Variants in NSUN6 observed in about 807,000 individuals in gnomAD.
The protein encoded by NSUN6 is tRNA (cytosine(72)-C(5))-methyltransferase NSUN6.
A neutral mutation model predicts 58.0 loss-of-function variants in NSUN6; 64 were observed. That is an observed-to-expected ratio of 1.10 (90% CI 0.90 to 1.36). The LOEUF is 1.36. NSUN6 is among the 40% of genes most tolerant of loss of function. The pLI is 0.00. For missense variants in NSUN6, 701 were observed against 550.1 expected (o/e 1.27, Z -2.74); for synonymous variants, 231 against 193.9 (o/e 1.19, Z -1.59).
At chr10:18,552,635 C>T (rs1298031108) in intron 8 of NSUN6, among the ~76,000 whole-genome samples, 9 of 151,630 alleles carry the variant, frequency 5.9e-5, no homozygotes, top group Admixed American at 3.3e-4. Flanking sequence ...CATTTCATTC[C>T]GCATTCCATT....
At position 18,563,211 on chromosome 10, in the gene NSUN6, TGGAATGGAATGGAGAATGGTATG is replaced by T. The variant is rs1321788490; in HGVS notation, c.923-11263_923-11241del. On this transcript the variant is annotated intron_variant, in intron 8 of 10. Transcript: ENST00000377304. ...GTATGGAATGGAATGGAGAATGGTA[TGGAATGGAATGGAGAATGGTATG>T]GAATGGAAGGCAATGAAATGGAGAA... 2.0e-3 allele frequency among the ~76,000 whole-genome samples: 290 copies of T among 141,766 alleles called. 3 individuals carry two copies. Among genetic ancestry groups the T allele is most frequent in the African/African-American group, 7.6e-3 (278 of 36,658 alleles). The allele number at this position is 141,766 out of a possible 152,430, so 93.0% of individuals were successfully genotyped here. A position where few individuals can be genotyped will look rare whatever the true frequency, so the allele number is the denominator to read the frequency against.
chr10:18,642,352 C>A (rs2059414770), intron 3 of NSUN6, 124 bp downstream of exon 3: 1 of 599,698 alleles, frequency 1.7e-6, no homozygotes, highest in Non-Finnish European at 3.0e-6. Flanking sequence ...GTTTTGAATT[C>A]CTGTTATCTA....
At chr10:18,607,774 T>C (rs2058094608) in intron 6 of NSUN6, among the ~76,000 whole-genome samples, 1 of 152,232 alleles carries the variant, frequency 6.6e-6, no homozygotes, top group Non-Finnish European at 1.5e-5. Flanking sequence ...AAGACCTGAA[T>C]GCAAATTTTG....
chr10:18,564,224 ACTCT>A (rs1055061129), intron 8 of NSUN6, among the ~76,000 whole-genome samples: 3 of 144,588 alleles, frequency 2.1e-5, no homozygotes, highest in Non-Finnish European at 4.6e-5. Flanking sequence ...CATTCCATCC[ACTCT>A]CTATTACATT....
intron 9 of NSUN6, among the ~76,000 whole-genome samples, chr10:18,549,992 G>C (rs2054503585): frequency 6.6e-6 from 1 of 152,152 alleles, no homozygotes; most frequent in African/African-American, 2.4e-5. Context: ...TGTACCTAAA[G>C]TCACTTAGGT....
At chr10:18,632,612 T>C (rs1479373138) in intron 3 of NSUN6, among the ~76,000 whole-genome samples, 1 of 151,876 alleles carries the variant, frequency 6.6e-6, no homozygotes, top group African/African-American at 2.4e-5. Context: ...AACAGACACT[T>C]CTCAAAAGAA....
intron 6 of NSUN6, among the ~76,000 whole-genome samples, chr10:18,596,823 C>A (rs1419983733): frequency 6.6e-6 from 1 of 152,100 alleles, no homozygotes; most frequent in Admixed American, 6.5e-5. Context: ...GAGAGTACTT[C>A]AATCTCAGCA....
chr10:18,545,982 T>A lies in NSUN6; in HGVS notation c.1361A>T (p.Asp454Val). 6.3e-7 allele frequency: 1 copy of A among 1,583,892 alleles called. No individual in the cohort carries two copies. The highest frequency in any genetic ancestry group is 8.5e-7 in the Non-Finnish European group (1 of 1,172,128). Residue 454 changes from aspartate to valine, a missense_variant, in exon 11 of 11, where the codon GAC becomes GTC. By Grantham distance (152) the Asp-to-Val change is radical (BLOSUM62 -3). Transcript: ENST00000377304. Reference protein sequence around the residue: ...REDMLRLANKDSIGFFIAKFV... With the variant: ...REDMLRLANKVSIGFFIAKFV... ...TTTTGCAATAAAAAAACCTATAGAGTCCTTATTAGCCAGACGCAACATGTC... is the reference window on the plus strand; with the variant it reads ...TTTTGCAATAAAAAAACCTATAGAGACCTTATTAGCCAGACGCAACATGTC...
intron 8 of NSUN6, among the ~76,000 whole-genome samples, chr10:18,565,953 C>CTCT (rs1343104441): frequency 6.7e-6 from 1 of 150,080 alleles, no homozygotes; most frequent in Non-Finnish European, 1.5e-5. Context: ...CCCTTCCATT[C>CTCT]TCCATTCCAT....
Position 18,558,906 on chromosome 10 carries a change from G to A in NSUN6, c.923-6935C>T, listed in dbSNP as rs1376123862. ...GCAATGGTGAATAGAATGGAGTGAAGAATGGAATGGAATTGAGAATGGACT... is the reference window on the plus strand; with the variant it reads ...GCAATGGTGAATAGAATGGAGTGAAAAATGGAATGGAATTGAGAATGGACT... On this transcript the variant is annotated intron_variant, in intron 8 of 10. Transcript: ENST00000377304. 7.9e-5 allele frequency among the ~76,000 whole-genome samples: 12 copies of A among 151,316 alleles called. No individual in the cohort carries two copies. In the East Asian group the frequency reaches 2.3e-3, roughly 29 times the overall value.
intron 10 of NSUN6, 108 bp downstream of exon 10, chr10:18,548,004 G>A (rs1378667206): frequency 1.9e-6 from 2 of 1,051,240 alleles, no homozygotes; most frequent in Non-Finnish European, 2.8e-6. Context: ...TTATTACAGT[G>A]TTCACTTTGG....
At chr10:18,593,741 A>G (rs2057466760) in intron 7 of NSUN6, among the ~76,000 whole-genome samples, 1 of 152,138 alleles carries the variant, frequency 6.6e-6, no homozygotes, top group Non-Finnish European at 1.5e-5. Context: ...TAGCATTAGG[A>G]AAAATACCTA....
chr10:18,608,638 C>CAAA lies in NSUN6; in HGVS notation c.657+1204_657+1206dup, dbSNP rs5783614. On this transcript the variant is annotated intron_variant, in intron 6 of 10. Transcript: ENST00000377304. ...TGCGTGACAGAGTAAGATCCTGTCT[C>CAAA]AAAAAAAAAAAAAAAAACCACTGTA... is the stretch of plus-strand genomic sequence containing the variant. 3.5e-3 allele frequency among the ~76,000 whole-genome samples: 371 copies of CAAA among 107,522 alleles called. 6 individuals are homozygous for CAAA. Among genetic ancestry groups the CAAA allele is most frequent in the South Asian group, 5.3e-3 (16 of 3,000 alleles). 70.5% of individuals were successfully genotyped at this position (107,522 alleles called of 152,430 possible).
chr10:18,572,022 T>G (rs117837566), intron 8 of NSUN6, among the ~76,000 whole-genome samples: 3,505 of 147,506 alleles, frequency 0.024, 58 homozygotes, highest in Non-Finnish European at 0.04. Context: ...CCATTGCATT[T>G]CATTCTCCAC....
intron 10 of NSUN6, 39 bp from the exon 11 acceptor site, chr10:18,546,184 G>T: frequency 1.5e-6 from 2 of 1,339,568 alleles, no homozygotes; most frequent in South Asian, 1.2e-5. Flanking sequence ...TGAACATCCT[G>T]TAATTAGCAA....
chr10:18,620,757 G>A (rs568396588), intron 3 of NSUN6, among the ~76,000 whole-genome samples: 1 of 152,120 alleles, frequency 6.6e-6, no homozygotes, highest in Non-Finnish European at 1.5e-5. Flanking sequence ...TACTTCTACT[G>A]TGACTATCAT....
At chr10:18,644,499 G>GCCTT (rs2059481490) in intron 2 of NSUN6, among the ~76,000 whole-genome samples, 1 of 65,614 alleles carries the variant, frequency 1.5e-5, no homozygotes, top group Non-Finnish European at 3.1e-5. Context: ...ATTAAGGTAT[G>GCCTT]TCTTTTTTTT....
chr10:18,659,291 C>A (rs1346762554), upstream of NSUN6: 3 of 283,922 alleles, frequency 1.1e-5, no homozygotes. Flanking sequence ...AGTGCGCCGT[C>A]GTCACGCGCC....
rs188415559 is a variant in NSUN6 at position 18,591,939 on chromosome 10, C to T, written c.777+4269G>A. 6.8e-4 allele frequency among the ~76,000 whole-genome samples: 104 copies of T among 152,248 alleles called. 1 individual carries two copies. The East Asian group carries it at 0.019, about 28-fold the overall frequency. On this transcript the variant is annotated intron_variant, in intron 7 of 10. Transcript: ENST00000377304. ...GAGGAAGTCAAGTTGTCTCTGTTTGCAGATGACATGACTGTATATGTAGAA... is the reference window on the plus strand; with the variant it reads ...GAGGAAGTCAAGTTGTCTCTGTTTGTAGATGACATGACTGTATATGTAGAA...
Sources: allele counts gnomAD v4.1 joint callset (sites outside exome capture counted in the v4.1 genomes callset), GRCh38; gene constraint gnomAD v4.1.1; transcripts MANE v1.5; gene names NCBI Gene and HGNC (gene_info 2026-07-23, HGNC 2026-07-21).